The following CEP85 variants were observed in gnomAD, a reference collection of about 807,000 sequenced individuals.
CEP85 encodes the protein centrosomal protein of 85 kDa.
CEP85 carries 58 observed loss-of-function variants against 93.7 expected under a neutral mutation model. The ratio of observed to expected loss-of-function variants is 0.62; its 90% CI spans 0.50 to 0.77. CEP85 has a LOEUF of 0.77. Among genes scored for constraint, CEP85 ranks in the 30% least tolerant of loss-of-function variants. The pLI is 0.00. For missense variants in CEP85, 868 were observed against 922.0 expected, an observed-to-expected ratio of 0.94 and a Z score of 0.76; for synonymous variants, 314 against 338.6, an observed-to-expected ratio of 0.93 and a Z score of 0.80.
intron 3 of CEP85, among the ~76,000 whole-genome samples, chr1:26,244,601 G>A (rs72888546): frequency 0.18 from 27,087 of 151,948 alleles, 3,110 homozygotes; most frequent in African/African-American, 0.31. Flanking sequence ...ATCATAGCTC[G>A]CTGCAGCCTC....
At chr1:26,259,102 A>C (rs982048309) in intron 6 of CEP85, among the ~76,000 whole-genome samples, 11 of 152,224 alleles carry the variant, frequency 7.2e-5, no homozygotes, top group Non-Finnish European at 1.0e-4. Context: ...TCATAGAATC[A>C]GAATGTTAAG....
intron 6 of CEP85, 116 bp from the exon 7 acceptor site, chr1:26,259,501 C>G: frequency 9.8e-7 from 1 of 1,019,584 alleles, no homozygotes; most frequent in Non-Finnish European, 1.4e-6. Context: ...AGAACCACTT[C>G]TTAAAGAGAT....
chr1:26,259,495 C>T, intron 6 of CEP85, 122 bp from the exon 7 acceptor site: 2 of 939,236 alleles, frequency 2.1e-6, no homozygotes, highest in Non-Finnish European at 3.2e-6. Context: ...TAGTTGAGAA[C>T]CACTTCTTAA....
At chr1:26,243,617 T>C (rs992758357) in intron 2 of CEP85, among the ~76,000 whole-genome samples, 1 of 152,150 alleles carries the variant, frequency 6.6e-6, no homozygotes, top group African/African-American at 2.4e-5. Flanking sequence ...TTAAATATGA[T>C]TGTTTTCTGT....
intron 9 of CEP85, among the ~76,000 whole-genome samples, chr1:26,270,001 C>T (rs184160352): frequency 2.3e-4 from 35 of 152,078 alleles, no homozygotes; most frequent in Non-Finnish European, 4.1e-4. Context: ...TGGTCTCGAT[C>T]TCCTGACCTC....
intron 3 of CEP85, among the ~76,000 whole-genome samples, chr1:26,248,989 G>A (rs951799364): frequency 6.6e-6 from 1 of 151,830 alleles, no homozygotes; most frequent in African/African-American, 2.4e-5. Context: ...GCTTCTCAAA[G>A]TGCTGGGATT....
At chr1:26,259,323 T>C (rs541593553) in intron 6 of CEP85, among the ~76,000 whole-genome samples, 1 of 152,326 alleles carries the variant, frequency 6.6e-6, no homozygotes, top group South Asian at 2.1e-4. Flanking sequence ...GGTTCTCAAA[T>C]GTGAGTGTGC....
Position 26,257,882 on chromosome 1 carries a change from G to A in CEP85, c.1037+152G>A, listed in dbSNP as rs572659849. 24 of 866,366 alleles carry A rather than the reference G, an allele frequency of 2.8e-5. No homozygotes were observed. Among genetic ancestry groups the A allele is most frequent in the South Asian group, 6.7e-5 (4 of 59,686 alleles). 53.7% of individuals were successfully genotyped at this position (866,366 alleles called of 1,614,324 possible). On this transcript the variant is annotated intron_variant, in intron 5 of 13. Transcript: ENST00000451429. ...AGGTAGTTTGATAAGCAGCCTAGTCGTGTATATATAACTAATATAATAGAC... is the reference window on the plus strand; with the variant it reads ...AGGTAGTTTGATAAGCAGCCTAGTCATGTATATATAACTAATATAATAGAC...
intron 3 of CEP85, among the ~76,000 whole-genome samples, chr1:26,249,946 A>G (rs2089577410): frequency 6.6e-6 from 1 of 152,166 alleles, no homozygotes; most frequent in African/African-American, 2.4e-5. Context: ...AGGTACCATC[A>G]TAGTGTACTA....
intron 6 of CEP85, among the ~76,000 whole-genome samples, chr1:26,258,786 G>T (rs533001584): frequency 6.6e-6 from 1 of 152,082 alleles, no homozygotes; most frequent in African/African-American, 2.4e-5. Flanking sequence ...TAGTAGAGAC[G>T]GGGTTTCATC....
intron 11 of CEP85, among the ~76,000 whole-genome samples, chr1:26,274,389 A>G (rs932027573): frequency 6.6e-6 from 1 of 152,258 alleles, no homozygotes; most frequent in Non-Finnish European, 1.5e-5. Context: ...GCTGAATAGC[A>G]CATTCCCTGC....
chr1:26,263,843 CA>C (rs1483693643), intron 7 of CEP85, among the ~76,000 whole-genome samples: 2 of 152,004 alleles, frequency 1.3e-5, no homozygotes, highest in African/African-American at 4.8e-5. Flanking sequence ...TTTTTTCAAC[CA>C]AACACAGATC....
At chr1:26,241,502 G>T (rs61235355) in intron 2 of CEP85, among the ~76,000 whole-genome samples, 2 of 151,814 alleles carry the variant, frequency 1.3e-5, no homozygotes, top group African/African-American at 2.4e-5. Context: ...CCTGGGCCTC[G>T]CAAAGTGCTG....
intron 1 of CEP85, among the ~76,000 whole-genome samples, chr1:26,236,805 A>G (rs1215677126): frequency 6.6e-6 from 1 of 152,218 alleles, no homozygotes; most frequent in East Asian, 1.9e-4. Flanking sequence ...TAAGATTTAC[A>G]TTGATCTGGA....
chr1:26,277,428 C>A lies in CEP85; in HGVS notation c.*135C>A. 1.3e-6 allele frequency: 1 copy of A among 781,364 alleles called. No homozygotes were observed. Among genetic ancestry groups the A allele is most frequent in the South Asian group, 1.8e-5 (1 of 55,140 alleles). 48.4% of individuals were successfully genotyped at this position (781,364 alleles called of 1,614,324 possible). A position where few individuals can be genotyped will look rare whatever the true frequency, so the allele number is the denominator to read the frequency against. On this transcript the variant is annotated 3_prime_UTR_variant, in exon 14 of 14. Transcript: ENST00000451429. ...GGAGGGGAGAGCCTGCATCTGGGGG[C>A]CAAGGGCTGATTAGGGAACTGTGTC...
intron 3 of CEP85, among the ~76,000 whole-genome samples, chr1:26,252,350 T>G (rs2089631733): frequency 6.6e-6 from 1 of 151,892 alleles, no homozygotes; most frequent in Non-Finnish European, 1.5e-5. Flanking sequence ...CTGACCAGCA[T>G]GGAGAAGCCC....
chr1:26,263,192 T>C (rs1221073360), intron 7 of CEP85: 1 of 275,542 alleles, frequency 3.6e-6, no homozygotes, highest in East Asian at 1.0e-4. Context: ...ACAGTTGTGG[T>C]TGGTGCATAA....
chr1:26,260,199 A>G (rs1466850547), intron 7 of CEP85, among the ~76,000 whole-genome samples: 3 of 152,126 alleles, frequency 2.0e-5, no homozygotes, highest in African/African-American at 4.8e-5. Context: ...GTAGAGAAAA[A>G]TTCCATGTGC....
chr1:26,270,187 G>T (rs1192247487), intron 9 of CEP85, among the ~76,000 whole-genome samples: 4 of 152,172 alleles, frequency 2.6e-5, no homozygotes, highest in Non-Finnish European at 5.9e-5. Context: ...TAGTATGTAT[G>T]TGTTGAATAA....
Sources: allele counts gnomAD v4.1 joint callset (sites outside exome capture counted in the v4.1 genomes callset), GRCh38; gene constraint gnomAD v4.1.1; transcripts MANE v1.5; gene names NCBI Gene and HGNC (gene_info 2026-07-23, HGNC 2026-07-21).